EDIL3: variants seen among roughly 807,000 people sequenced by gnomAD.
EDIL3 encodes EGF-like repeat and discoidin I-like domain-containing protein 3.
A neutral mutation model predicts 67.4 loss-of-function variants in EDIL3; 37 were observed. The ratio of observed to expected loss-of-function variants is 0.55; its 90% CI spans 0.42 to 0.72. The LOEUF is 0.72. Among genes scored for constraint, EDIL3 ranks in the 30% least tolerant of loss-of-function variants. EDIL3 has a pLI of 0.00. For missense variants in EDIL3, 527 were observed against 586.3 expected (o/e 0.90, Z 1.04); for synonymous variants, 195 against 196.3 (o/e 0.99, Z 0.05).
rs10043802 is a variant in EDIL3 at position 84,026,478 on chromosome 5, T to C, written c.1137+33822A>G. 8.6e-3 allele frequency among the ~76,000 whole-genome samples: 1,310 copies of C among 152,292 alleles called. 20 individuals carry two copies. Among genetic ancestry groups the C allele is most frequent in the African/African-American group, 0.03 (1,236 of 41,580 alleles). On this transcript the variant is annotated intron_variant, in intron 9 of 10. Transcript: ENST00000296591. ...GAGATTCAGTTCAGTCATCATTTTT[T>C]TTCATGGAGTTTTACTATTTAACCT... is the stretch of plus-strand genomic sequence containing the variant.
At chr5:84,203,792 G>A in intron 3 of EDIL3, among the ~76,000 whole-genome samples, 1 of 152,092 alleles carries the variant, frequency 6.6e-6, no homozygotes, top group East Asian at 1.9e-4. Flanking sequence ...TTCCTCTAAG[G>A]AAAAATTACT....
intron 4 of EDIL3, among the ~76,000 whole-genome samples, chr5:84,169,306 C>T (rs1402305837): frequency 2.0e-5 from 3 of 151,920 alleles, no homozygotes; most frequent in Non-Finnish European, 4.4e-5. Flanking sequence ...ATCAGTTATC[C>T]TCAATGGTTA....
intron 5 of EDIL3, among the ~76,000 whole-genome samples, chr5:84,111,412 C>A (rs1481266611): frequency 6.6e-6 from 1 of 152,122 alleles, no homozygotes; most frequent in Non-Finnish European, 1.5e-5. Flanking sequence ...TAGGCAAATT[C>A]TGTTCTTATT....
chr5:84,264,546 G>C (rs150954577), intron 1 of EDIL3, among the ~76,000 whole-genome samples: 1 of 152,136 alleles, frequency 6.6e-6, no homozygotes, highest in African/African-American at 2.4e-5. Flanking sequence ...TACCAGATAG[G>C]TGTGATGAGG....
intron 3 of EDIL3, among the ~76,000 whole-genome samples, chr5:84,191,247 C>T (rs1430413131): frequency 6.6e-6 from 1 of 152,002 alleles, no homozygotes; most frequent in Non-Finnish European, 1.5e-5. Flanking sequence ...TATAATATAG[C>T]ATAGTGATTT....
rs1554037698 is a variant in EDIL3 at position 84,238,683 on chromosome 5, T to TTTTTTC, written c.197-8800_197-8799insGAAAAA. ...ATTAAATGTTTTTTTTTTTTTTTTT[T>TTTTTTC]CAGAATCATTAGGACCTTCTTGAAA... is the stretch of plus-strand genomic sequence containing the variant. On this transcript the variant is annotated intron_variant, in intron 2 of 10. Coordinates refer to ENST00000296591, the MANE Select transcript of EDIL3 (RefSeq NM_005711.5). Among the ~76,000 whole-genome samples, 3 of 144,224 alleles carry TTTTTTC rather than the reference T, an allele frequency of 2.1e-5. 1 individual carries two copies. In the Admixed American group the frequency reaches 2.1e-4, roughly 10 times the overall value. 94.6% of individuals were successfully genotyped at this position (144,224 alleles called of 152,430 possible). A position where few individuals can be genotyped will look rare whatever the true frequency, so the allele number is the denominator to read the frequency against.
chr5:84,010,889 C>T (rs1392700494), intron 9 of EDIL3, among the ~76,000 whole-genome samples: 5 of 152,108 alleles, frequency 3.3e-5, no homozygotes, highest in Non-Finnish European at 7.4e-5. Context: ...GGAAAACAGA[C>T]CTAGACTTCA....
chr5:83,994,362 G>A (rs1387567049), intron 9 of EDIL3, among the ~76,000 whole-genome samples: 1 of 138,420 alleles, frequency 7.2e-6, no homozygotes, highest in East Asian at 2.2e-4. Context: ...GAAATCCAAT[G>A]GGAACAATTT....
At chr5:84,202,644 A>AATTT (rs1743868285) in intron 3 of EDIL3, among the ~76,000 whole-genome samples, 1 of 152,114 alleles carries the variant, frequency 6.6e-6, no homozygotes, top group African/African-American at 2.4e-5. Flanking sequence ...TTATTTAGAG[A>AATTT]GGGAATATTT....
At chr5:84,070,809 C>T (rs1746727783) in intron 6 of EDIL3, among the ~76,000 whole-genome samples, 1 of 152,080 alleles carries the variant, frequency 6.6e-6, no homozygotes, top group African/African-American at 2.4e-5. Flanking sequence ...CGTACTTGAA[C>T]ACAAAAACTA....
chr5:84,020,493 A>G lies in EDIL3; in HGVS notation c.1137+39807T>C, dbSNP rs190845025. 4.6e-5 allele frequency among the ~76,000 whole-genome samples: 7 copies of G among 152,206 alleles called. No homozygotes were observed. The East Asian group carries it at 1.2e-3, about 25-fold the overall frequency. ...GATTTCTAATCAAGGGAACACCTTT[A>G]TTGACTACTTAATAATCAATTCTTC... On this transcript the variant is annotated intron_variant, in intron 9 of 10. Transcript: ENST00000296591.
At chr5:83,998,134 C>G (rs958069037) in intron 9 of EDIL3, among the ~76,000 whole-genome samples, 1 of 152,160 alleles carries the variant, frequency 6.6e-6, no homozygotes, top group Admixed American at 6.5e-5. Flanking sequence ...GCACACACGG[C>G]CCAGTGAGAC....
At chr5:84,040,879 C>A (rs1746107390) in intron 9 of EDIL3, among the ~76,000 whole-genome samples, 1 of 152,170 alleles carries the variant, frequency 6.6e-6, no homozygotes, top group Non-Finnish European at 1.5e-5. Context: ...CGCCTGTAAT[C>A]CCAACACTTT....
intron 9 of EDIL3, among the ~76,000 whole-genome samples, chr5:84,052,089 C>T (rs949453728): frequency 1.3e-5 from 2 of 152,212 alleles, no homozygotes; most frequent in Non-Finnish European, 2.9e-5. Context: ...AAGGGAAGCC[C>T]ATCAGACTAA....
At chr5:84,054,129 C>T (rs1460276642) in intron 9 of EDIL3, among the ~76,000 whole-genome samples, 10 of 152,174 alleles carry the variant, frequency 6.6e-5, no homozygotes, top group Non-Finnish European at 1.3e-4. Context: ...TGGGCTTCAT[C>T]CCTGGGATGC....
Position 83,963,200 on chromosome 5 carries a change from C to T in EDIL3, c.1293+5G>A, listed in dbSNP as rs1366200588. 1 of 1,587,100 alleles carries T rather than the reference C, an allele frequency of 6.3e-7. No individual in the cohort carries two copies. The highest frequency in any genetic ancestry group is 8.6e-7 in the Non-Finnish European group (1 of 1,169,342). On this transcript the variant is annotated splice_donor_5th_base_variant and intron_variant, in intron 10 of 10. Coordinates refer to ENST00000296591, the MANE Select transcript of EDIL3 (RefSeq NM_005711.5). Reference sequence around the variant, plus strand: ...GAACTTTATAAACCGATTTGGCTGACTTACCTTATCTTTTCTTTGCTTTTC... The same window carrying T: ...GAACTTTATAAACCGATTTGGCTGATTTACCTTATCTTTTCTTTGCTTTTC...
At chr5:84,098,717 C>A (rs1306703353) in intron 6 of EDIL3, among the ~76,000 whole-genome samples, 1 of 152,020 alleles carries the variant, frequency 6.6e-6, no homozygotes, top group African/African-American at 2.4e-5. Flanking sequence ...CTAATGAGAA[C>A]AAAACTACAA....
At chr5:84,381,072 T>G (rs976711092) in intron 1 of EDIL3, among the ~76,000 whole-genome samples, 2 of 152,134 alleles carry the variant, frequency 1.3e-5, no homozygotes, top group African/African-American at 4.8e-5. Flanking sequence ...TTTTGAAGAT[T>G]TTTGCAACTT....
chr5:84,025,030 A>T (rs1437646992), intron 9 of EDIL3, among the ~76,000 whole-genome samples: 2 of 152,084 alleles, frequency 1.3e-5, no homozygotes, highest in African/African-American at 4.8e-5. Context: ...CCTTTCCCAG[A>T]AGCCCTCCAG....
Sources: allele counts gnomAD v4.1 joint callset (sites outside exome capture counted in the v4.1 genomes callset), GRCh38; gene constraint gnomAD v4.1.1; transcripts MANE v1.5; gene names NCBI Gene and HGNC (gene_info 2026-07-23, HGNC 2026-07-21).